The following ZFHX4 variants were observed in gnomAD, a reference collection of about 807,000 sequenced individuals.
ZFHX4 encodes zinc finger homeobox 4, also known as zinc finger homeobox protein 4.
In ZFHX4, 56 loss-of-function variants were observed where a neutral mutation model predicts 267.6. The observed-to-expected ratio is 0.21, with a 90% CI of 0.17 to 0.26. The LOEUF is 0.26. Among genes scored for constraint, ZFHX4 ranks in the 10% least tolerant of loss-of-function variants. The pLI, the probability that ZFHX4 is intolerant of heterozygous loss-of-function variation, is 1.00. For synonymous variants in ZFHX4, 1,778 were observed against 1,665.6 expected (o/e 1.07, Z -1.64); for missense variants, 4,332 against 4,420.0 (o/e 0.98, Z 0.56).
At chr8:76,767,576 T>C (rs1173384445) in intron 3 of ZFHX4, among the ~76,000 whole-genome samples, 1 of 152,204 alleles carries the variant, frequency 6.6e-6, no homozygotes, top group African/African-American at 2.4e-5. Context: ...TACCTGCACG[T>C]AGCAGTTTAT....
chr8:76,856,309 T>C lies in ZFHX4; in HGVS notation c.9379+9T>C. ...TCCACAAAATTCAAACAGTAAGTCA[T>C]TTAAAGGAGACTCAGTCTAGTTAAT... On this transcript the variant is annotated intron_variant, in intron 10 of 10. Coordinates refer to ENST00000651372, the MANE Select transcript of ZFHX4 (RefSeq NM_024721.5). 1 of 1,613,492 alleles carries C rather than the reference T, an allele frequency of 6.2e-7. No homozygotes were observed.
At position 76,852,244 on chromosome 8, in the gene ZFHX4, C is replaced by A; in HGVS notation, c.5323C>A (p.Leu1775Ile). ...PGMTGMAGSL[L>I]EDLKQQIQTQ... is the part of the protein sequence containing the mutation. Reference sequence around the variant, plus strand: ...CATGACAGGAATGGCTGGCTCCTTGCTTGAAGACCTAAAGCAGCAGATTCA... The same window carrying A: ...CATGACAGGAATGGCTGGCTCCTTGATTGAAGACCTAAAGCAGCAGATTCA... The change falls in exon 10 of 11, where the codon CTT becomes ATT. Residue 1775 changes from leucine to isoleucine, a missense_variant. By Grantham distance (5) the Leu-to-Ile change is conservative. Transcript: ENST00000651372. 6.2e-7 allele frequency: 1 copy of A among 1,607,186 alleles called. No homozygotes were observed. Among genetic ancestry groups the A allele is most frequent in the Non-Finnish European group, 8.5e-7 (1 of 1,176,192 alleles).
At chr8:76,862,042 A>G (rs1366405310) in intron 10 of ZFHX4, among the ~76,000 whole-genome samples, 1 of 152,186 alleles carries the variant, frequency 6.6e-6, no homozygotes, top group African/African-American at 2.4e-5. Context: ...TTTGCAGTCA[A>G]CTTTACTTGC....
chr8:76,855,378 A>G lies in ZFHX4; in HGVS notation c.8457A>G (p.Gly2819=), dbSNP rs374385012. Residue 2819 remains glycine (G), a synonymous_variant, in exon 10 of 11, where the codon GGA becomes GGG. Transcript: ENST00000651372. ...AISDATTGDE[G]NTEMESTTGS... ...GTGACGCCACCACCGGAGACGAGGG[A>G]AACACTGAAATGGAAAGCACCACAG... The G allele has an allele frequency of 7.4e-6, 12 of 1,613,518 alleles. No individual in the cohort carries two copies. Among genetic ancestry groups the G allele is most frequent in the Non-Finnish European group, 1.0e-5 (12 of 1,179,814 alleles).
intron 7 of ZFHX4, 51 bp downstream of exon 7, chr8:76,849,179 C>T: frequency 1.3e-6 from 2 of 1,500,680 alleles, no homozygotes; most frequent in Non-Finnish European, 1.8e-6. Context: ...TTTTATTGCT[C>T]CTGATAGTTT....
chr8:76,841,810 C>A (rs181063338), intron 5 of ZFHX4, among the ~76,000 whole-genome samples: 2 of 152,088 alleles, frequency 1.3e-5, no homozygotes, highest in East Asian at 3.9e-4. Flanking sequence ...ACTCAGATTG[C>A]CAAAAATTCA....
chr8:76,698,485 A>T (rs1808015354), intron 1 of ZFHX4, among the ~76,000 whole-genome samples: 1 of 152,100 alleles, frequency 6.6e-6, no homozygotes, highest in Non-Finnish European at 1.5e-5. Flanking sequence ...GCTCTTCATC[A>T]CATATGTTTA....
chr8:76,864,120 G>A lies in ZFHX4; in HGVS notation c.10406G>A (p.Ser3469Asn). The A allele has an allele frequency of 6.2e-7, 1 of 1,613,860 alleles. No homozygotes were observed. Residue 3469 changes from serine (S) to asparagine (N), a missense_variant, in exon 11 of 11, where the codon AGC becomes AAC. Physicochemically the swap from Ser to Asn is conservative, Grantham distance 46. Transcript: ENST00000651372. ...GCACTTAGCCAACACCTCCAGTCAAGCTTGCACAAAGAGAAAACAATCAAA... is the reference window on the plus strand; with the variant it reads ...GCACTTAGCCAACACCTCCAGTCAAACTTGCACAAAGAGAAAACAATCAAA... ...NEALSQHLQS[S>N]LHKEKTIKQA...
At chr8:76,809,142 A>G (rs1253681790) in intron 4 of ZFHX4, among the ~76,000 whole-genome samples, 2 of 152,162 alleles carry the variant, frequency 1.3e-5, no homozygotes, top group Non-Finnish European at 2.9e-5. Context: ...GCAGTGTTAT[A>G]TACCCCTAAA....
Position 76,704,698 on chromosome 8 carries a change from C to T in ZFHX4, c.610C>T (p.Pro204Ser). Reference protein sequence around the residue: ...TFHIASSLGKPFTADQAFPNT... With the variant: ...TFHIASSLGKSFTADQAFPNT... ...TCATATCGCTTCATCCCTCGGGAAACCATTTACAGCCGATCAGGCTTTCCC... is the reference window on the plus strand; with the variant it reads ...TCATATCGCTTCATCCCTCGGGAAATCATTTACAGCCGATCAGGCTTTCCC... The change falls in exon 2 of 11, where the codon CCA (proline) becomes TCA (serine). Residue 204 changes from proline to serine, a missense_variant. Around this residue, in one of 7 missense-constraint regions of ZFHX4, gnomAD observed 1,195 missense variants for 1,173.6 expected, o/e 1.02. Coordinates refer to ENST00000651372, the MANE Select transcript of ZFHX4 (RefSeq NM_024721.5). The T allele has an allele frequency of 6.2e-7, 1 of 1,614,022 alleles. No individual in the cohort carries two copies. The highest frequency in any genetic ancestry group is 8.5e-7 in the Non-Finnish European group (1 of 1,179,910).
Position 76,867,194 on chromosome 8 carries a change from T to C in ZFHX4, c.*2629T>C, listed in dbSNP as rs1051271682. On this transcript the variant is annotated 3_prime_UTR_variant, in exon 11 of 11. Coordinates refer to ENST00000651372, the MANE Select transcript of ZFHX4 (RefSeq NM_024721.5). ...GTCATAGTTGAAATGATGTTTATTG[T>C]AGATGGTATTTGAACTTATTCTTCT... 1 of 152,646 alleles carries C rather than the reference T, an allele frequency of 6.6e-6. No homozygotes were observed. The highest frequency in any genetic ancestry group is 1.5e-5 in the Non-Finnish European group (1 of 68,034). 9.5% of individuals were successfully genotyped at this position (152,646 alleles called of 1,614,324 possible). A position where few individuals can be genotyped will look rare whatever the true frequency, so the allele number is the denominator to read the frequency against.
At chr8:76,847,372 G>T (rs1812389845) in intron 6 of ZFHX4, among the ~76,000 whole-genome samples, 1 of 151,870 alleles carries the variant, frequency 6.6e-6, no homozygotes, top group South Asian at 2.1e-4. Flanking sequence ...GTCTTTCTTG[G>T]ATTTAAGTTC....
rs73693427 is a variant in ZFHX4 at position 76,830,110 on chromosome 8, C to G, written c.3326-3228C>G. 8.0e-3 allele frequency among the ~76,000 whole-genome samples: 1,211 copies of G among 152,168 alleles called. 21 individuals are homozygous for G. The highest frequency in any genetic ancestry group is 0.027 in the African/African-American group (1,112 of 41,516). The stretch of plus-strand genomic sequence containing the variant: ...ATCACTTGCTATGGGTGTCATAATG[C>G]AAATAAAGATATCATTCAGTACTTG... On this transcript the variant is annotated intron_variant, in intron 4 of 10. Transcript: ENST00000651372.
intron 5 of ZFHX4, among the ~76,000 whole-genome samples, chr8:76,840,015 T>C (rs961870071): frequency 1.3e-5 from 2 of 152,356 alleles, no homozygotes; most frequent in South Asian, 2.1e-4. Context: ...TGAAACTTTA[T>C]GGTGTGTATA....
rs866463404 is a variant in ZFHX4 at position 76,681,473 on chromosome 8, A to C, written c.-194A>C. On this transcript the variant is annotated 5_prime_UTR_variant, in exon 1 of 11. Coordinates refer to ENST00000651372, the MANE Select transcript of ZFHX4 (RefSeq NM_024721.5). ...TTTCTGCTCCAGCGTTTTTATTTTC[A>C]CCCAATAAAGTTCGAGGATTATTTT... 5.1e-6 allele frequency: 2 copies of C among 390,670 alleles called. No individual in the cohort carries two copies. Among genetic ancestry groups the C allele is most frequent in the South Asian group, 1.4e-4 (1 of 7,360 alleles). 24.2% of individuals were successfully genotyped at this position (390,670 alleles called of 1,614,324 possible).
At chr8:76,711,994 C>G (rs1808437045) in intron 3 of ZFHX4, among the ~76,000 whole-genome samples, 1 of 152,222 alleles carries the variant, frequency 6.6e-6, no homozygotes, top group Non-Finnish European at 1.5e-5. Flanking sequence ...GTGTTCACAG[C>G]TTTGCTTGTT....
intron 1 of ZFHX4, among the ~76,000 whole-genome samples, 159 bp from the exon 2 acceptor site, chr8:76,703,884 C>A (rs921668254): frequency 6.6e-6 from 1 of 152,224 alleles, no homozygotes; most frequent in Non-Finnish European, 1.5e-5. Flanking sequence ...TACATTTATA[C>A]AAAGTCCGTC....
At chr8:76,752,138 G>A (rs1809629181) in intron 3 of ZFHX4, among the ~76,000 whole-genome samples, 1 of 152,108 alleles carries the variant, frequency 6.6e-6, no homozygotes, top group East Asian at 1.9e-4. Context: ...AATCCTTTAC[G>A]GGACATCAGA....
In ZFHX4 at chr8:76,704,993, G is replaced by T; in HGVS notation, c.905G>T (p.Arg302Leu). 1 of 1,613,802 alleles carries T rather than the reference G, an allele frequency of 6.2e-7. No individual in the cohort carries two copies. Among genetic ancestry groups the T allele is most frequent in the Non-Finnish European group, 8.5e-7 (1 of 1,179,840 alleles). ...GTAACCCATGCTGTGCATGATCATCGGATGACCCTCAATGACGAGGAGCAG... is the reference window on the plus strand; with the variant it reads ...GTAACCCATGCTGTGCATGATCATCTGATGACCCTCAATGACGAGGAGCAG... Reference protein sequence around the residue: ...SFVTHAVHDHRMTLNDEEQKL... With the variant: ...SFVTHAVHDHLMTLNDEEQKL... The change falls in exon 2 of 11, where the codon CGG becomes CTG. Residue 302 changes from arginine to leucine, a missense_variant. Around this residue, in one of 7 missense-constraint regions of ZFHX4, gnomAD observed 1,195 missense variants for 1,173.6 expected, o/e 1.02. Coordinates refer to ENST00000651372, the MANE Select transcript of ZFHX4 (RefSeq NM_024721.5).
Sources: allele counts gnomAD v4.1 joint callset (sites outside exome capture counted in the v4.1 genomes callset), GRCh38; gene constraint gnomAD v4.1.1; regional missense constraint gnomAD v4.1.1; transcripts MANE v1.5; gene names NCBI Gene and HGNC (gene_info 2026-07-23, HGNC 2026-07-21).